The following SLC6A11 variants were observed in gnomAD, a reference collection of about 807,000 sequenced individuals.
SLC6A11 encodes the protein solute carrier family 6 member 11.
A neutral mutation model predicts 74.8 loss-of-function variants in SLC6A11; 25 were observed. The ratio of observed to expected loss-of-function variants is 0.33; its 90% CI spans 0.24 to 0.47. SLC6A11 has a LOEUF of 0.47. SLC6A11 is among the 20% of genes least tolerant of loss of function. The pLI is 1.00. For synonymous variants in SLC6A11, 330 were observed against 330.2 expected, an observed-to-expected ratio of 1.00 and a Z score of 0.01; for missense variants, 574 against 837.0, an observed-to-expected ratio of 0.69 and a Z score of 3.88.
chr3:10,889,101 TA>T (rs567938603), intron 6 of SLC6A11, among the ~76,000 whole-genome samples: 1 of 152,228 alleles, frequency 6.6e-6, no homozygotes, highest in Non-Finnish European at 1.5e-5. Flanking sequence ...TTTAGATTAA[TA>T]GATTTTTATT....
intron 8 of SLC6A11, among the ~76,000 whole-genome samples, 193 bp from the exon 9 acceptor site, chr3:10,925,811 A>G (rs769536123): frequency 1.1e-4 from 17 of 152,144 alleles, no homozygotes; most frequent in South Asian, 2.1e-4. Flanking sequence ...TTCTGCCTCA[A>G]CTTGCTCATC....
chr3:10,920,190 G>A (rs1695517631), intron 8 of SLC6A11, among the ~76,000 whole-genome samples: 1 of 152,094 alleles, frequency 6.6e-6, no homozygotes, highest in Non-Finnish European at 1.5e-5. Flanking sequence ...GTTTTGGAGG[G>A]GAGTCCCAGA....
chr3:10,919,561 C>T (rs1695508817), intron 8 of SLC6A11, among the ~76,000 whole-genome samples: 1 of 152,134 alleles, frequency 6.6e-6, no homozygotes, highest in Admixed American at 6.5e-5. Context: ...AATAGGCAGG[C>T]CAAGGGGTGT....
intron 4 of SLC6A11, 31 bp downstream of exon 4, chr3:10,823,423 C>A: frequency 7.0e-7 from 1 of 1,428,528 alleles, no homozygotes. Context: ...CTCCCTTGGC[C>A]TGTGGGGGCT....
chr3:10,844,137 C>G (rs1694472854), intron 4 of SLC6A11, 77 bp from the exon 5 acceptor site: 1 of 1,570,522 alleles, frequency 6.4e-7, no homozygotes, highest in African/African-American at 1.3e-5. Context: ...GGGCCCATCC[C>G]TGCTCCTCTG....
chr3:10,826,989 A>G (rs1367744779), intron 4 of SLC6A11, among the ~76,000 whole-genome samples: 1 of 152,242 alleles, frequency 6.6e-6, no homozygotes, highest in African/African-American at 2.4e-5. Context: ...CTCTGTCTGT[A>G]TCATCCATGT....
At chr3:10,845,342 G>A (rs1694490020) in intron 5 of SLC6A11, among the ~76,000 whole-genome samples, 1 of 152,170 alleles carries the variant, frequency 6.6e-6, no homozygotes, top group South Asian at 2.1e-4. Flanking sequence ...CTGTGGCTGA[G>A]TATCAATGCC....
rs745465208 is a variant in SLC6A11 at position 10,874,927 on chromosome 3, C to T, written c.757-34C>T. The stretch of plus-strand genomic sequence containing the variant: ...TGAAGTAACCCCATTGCTCTCACCC[C>T]CTTCTTGATTCTGTCCTCTCCTCTT... On this transcript the variant is annotated intron_variant, in intron 5 of 13. Coordinates refer to ENST00000254488, the MANE Select transcript of SLC6A11 (RefSeq NM_014229.3). The T allele has an allele frequency of 3.2e-5, 50 of 1,575,144 alleles. No homozygotes were observed. The Admixed American group carries it at 6.9e-4, about 22-fold the overall frequency.
At chr3:10,929,991 A>G (rs1252816286) in intron 10 of SLC6A11, among the ~76,000 whole-genome samples, 1 of 152,158 alleles carries the variant, frequency 6.6e-6, no homozygotes, top group Non-Finnish European at 1.5e-5. Flanking sequence ...TTTTCTCCCC[A>G]TATACACAAA....
In SLC6A11 at chr3:10,889,298, T is replaced by C. The variant is rs145640071; in HGVS notation, c.891+14203T>C. Among the ~76,000 whole-genome samples the C allele has an allele frequency of 1.9e-3, 295 of 152,272 alleles. 2 individuals are homozygous for C. The highest frequency in any genetic ancestry group is 0.012 in the East Asian group (61 of 5,180). On this transcript the variant is annotated intron_variant, in intron 6 of 13. Transcript: ENST00000254488. ...TTATTAATTAAATCCATAGTTGACA[T>C]TGGAGTTCTCTCTTGGTGTTGTACC...
At chr3:10,905,362 C>T (rs957135297) in intron 6 of SLC6A11, among the ~76,000 whole-genome samples, 22 of 152,212 alleles carry the variant, frequency 1.4e-4, no homozygotes, top group African/African-American at 5.3e-4. Flanking sequence ...CCCAAGCAAA[C>T]CTCCAGTTTC....
chr3:10,917,047 G>T (rs1695465910), intron 7 of SLC6A11, among the ~76,000 whole-genome samples: 1 of 152,182 alleles, frequency 6.6e-6, no homozygotes, highest in Admixed American at 6.5e-5. Flanking sequence ...AATAGTTCTG[G>T]ATGTGACAAT....
Sources: gnomAD v4.1 joint callset for allele counts (sites outside exome capture counted in the v4.1 genomes callset) on GRCh38, gnomAD v4.1.1 for gene constraint, MANE v1.5 for transcripts, NCBI Gene and HGNC (gene_info 2026-07-23, HGNC 2026-07-21) for gene names.